The following PPIP5K1 variants were observed in gnomAD, a reference collection of about 807,000 sequenced individuals.
PPIP5K1 encodes the protein diphosphoinositol pentakisphosphate kinase 1, also known as inositol hexakisphosphate and diphosphoinositol-pentakisphosphate kinase 1.
PPIP5K1 carries 6 observed loss-of-function variants against 27.7 expected under a neutral mutation model. The ratio of observed to expected loss-of-function variants is 0.22; its 90% CI spans 0.12 to 0.43. The LOEUF is 0.43. Among genes scored for constraint, PPIP5K1 ranks in the 20% least tolerant of loss-of-function variants. PPIP5K1 has a pLI of 1.00. For synonymous variants in PPIP5K1, 145 were observed against 242.6 expected, an observed-to-expected ratio of 0.60 and a Z score of 3.74; for missense variants, 394 against 635.4, an observed-to-expected ratio of 0.62 and a Z score of 4.08.
At chr15:43,557,239 G>A (rs1416412152) in intron 30 of PPIP5K1, among the ~76,000 whole-genome samples, 1 of 152,118 alleles carries the variant, frequency 6.6e-6, no homozygotes, top group Non-Finnish European at 1.5e-5. Flanking sequence ...CTGAGGTCAG[G>A]AGTTCAAGAC....
Position 43,533,831 on chromosome 15 carries a change from G to C in PPIP5K1, c.*843C>G, listed in dbSNP as rs2079522738. ...AGCCAAACAGCCCCACCACAGAGGA[G>C]GCCCACTTTCACAGACTGGCTAAGA... On this transcript the variant is annotated 3_prime_UTR_variant, in exon 32 of 32. Transcript: ENST00000420765. 2.0e-5 allele frequency: 3 copies of C among 152,110 alleles called. No individual in the cohort carries two copies. The allele number at this position is 152,110 out of a possible 1,614,324, so 9.4% of individuals were successfully genotyped here.
intron 31 of PPIP5K1, among the ~76,000 whole-genome samples, chr15:43,539,108 G>A (rs2080318220): frequency 6.6e-6 from 1 of 152,032 alleles, no homozygotes. Context: ...CTACTTGGGA[G>A]GCTGAGGCAG....
At chr15:43,543,907 A>C (rs1378184669) in intron 30 of PPIP5K1, among the ~76,000 whole-genome samples, 1 of 151,962 alleles carries the variant, frequency 6.6e-6, no homozygotes, top group East Asian at 1.9e-4. Context: ...TTACAATTAT[A>C]GTTCTTTTTG....
intron 30 of PPIP5K1, among the ~76,000 whole-genome samples, chr15:43,547,481 A>ATTTT (rs1453109373): frequency 6.6e-6 from 1 of 152,242 alleles, no homozygotes; most frequent in Non-Finnish European, 1.5e-5. Context: ...GAGATTTATA[A>ATTTT]TTTTAACTCT....
chr15:43,538,777 G>C (rs1056639788), intron 31 of PPIP5K1, among the ~76,000 whole-genome samples: 9 of 152,074 alleles, frequency 5.9e-5, no homozygotes, highest in Non-Finnish European at 7.4e-5. Flanking sequence ...CTCCCAAAGT[G>C]CTGGGATTAC....
At chr15:43,536,028 G>A in intron 31 of PPIP5K1, 4 of 1,155,926 alleles carry the variant, frequency 3.5e-6, no homozygotes, top group Non-Finnish European at 4.5e-6. Flanking sequence ...AGCAATCAAT[G>A]TATTTCTGGG....
chr15:43,546,735 C>T (rs1369794115), intron 30 of PPIP5K1, among the ~76,000 whole-genome samples: 1 of 138,766 alleles, frequency 7.2e-6, no homozygotes, highest in East Asian at 2.2e-4. Context: ...TGGCTTATTA[C>T]AGTCTCAACC....
Position 43,534,589 on chromosome 15 carries a change from G to C in PPIP5K1, c.*85C>G. On this transcript the variant is annotated 3_prime_UTR_variant, in exon 32 of 32. Coordinates refer to ENST00000420765, the MANE Select transcript of PPIP5K1 (RefSeq NM_001394395.1). ...TCATGGGCTAGAGACTGGCTCTGAGGGTTTGGATCACCAGATGGATGCTGG... is the reference window on the plus strand; with the variant it reads ...TCATGGGCTAGAGACTGGCTCTGAGCGTTTGGATCACCAGATGGATGCTGG... 1 of 1,251,126 alleles carries C rather than the reference G, an allele frequency of 8.0e-7. No homozygotes were observed. Among genetic ancestry groups the C allele is most frequent in the Non-Finnish European group, 1.1e-6 (1 of 906,862 alleles). 77.5% of individuals were successfully genotyped at this position (1,251,126 alleles called of 1,614,324 possible).
intron 31 of PPIP5K1, 109 bp downstream of exon 31, chr15:43,539,361 C>T (rs1478605004): frequency 2.5e-5 from 20 of 797,460 alleles, no homozygotes. Flanking sequence ...ATGGATATTC[C>T]TGGTCTTTCA....
intron 30 of PPIP5K1, among the ~76,000 whole-genome samples, chr15:43,549,741 T>G (rs2081958849): frequency 6.6e-6 from 1 of 152,110 alleles, no homozygotes; most frequent in Non-Finnish European, 1.5e-5. Flanking sequence ...GAGGCTGAGG[T>G]AGGAGGATCA....
rs748218416 is a variant in PPIP5K1, at chr15:43,533,598, T to C, written c.*1076A>G. ...ATCTTTGGAAAAAGCTTCATAATCA[T>C]ATCTGGCCCTCAGACACAATGATAT... is the stretch of plus-strand genomic sequence containing the variant. On this transcript the variant is annotated 3_prime_UTR_variant, in exon 32 of 32. Transcript: ENST00000420765. 2.6e-5 allele frequency: 4 copies of C among 152,550 alleles called. No individual in the cohort carries two copies. Among genetic ancestry groups the C allele is most frequent in the Non-Finnish European group, 5.9e-5 (4 of 68,040 alleles). The allele number at this position is 152,550 out of a possible 1,614,324, so 9.4% of individuals were successfully genotyped here.
At chr15:43,557,154 A>G (rs1355847638) in intron 30 of PPIP5K1, among the ~76,000 whole-genome samples, 1 of 152,106 alleles carries the variant, frequency 6.6e-6, no homozygotes, top group East Asian at 1.9e-4. Flanking sequence ...ATTTACTGAA[A>G]AGTCTTTCTG....
At chr15:43,586,802 G>A (rs1277046573) in intron 1 of PPIP5K1, among the ~76,000 whole-genome samples, 3 of 84,122 alleles carry the variant, frequency 3.6e-5, no homozygotes, top group African/African-American at 1.1e-4. Flanking sequence ...GAGGTCTAGT[G>A]TGGTTGGGAG....
intron 29 of PPIP5K1, among the ~76,000 whole-genome samples, chr15:43,559,971 T>A (rs1001366743): frequency 6.6e-6 from 1 of 151,866 alleles, no homozygotes; most frequent in Non-Finnish European, 1.5e-5. Flanking sequence ...TTCGAAGCTC[T>A]GGACTTTGCC....
At chr15:43,558,382 C>T (rs763209378) in intron 30 of PPIP5K1, among the ~76,000 whole-genome samples, 27 of 152,102 alleles carry the variant, frequency 1.8e-4, no homozygotes, top group Non-Finnish European at 3.7e-4. Flanking sequence ...CGCACACCAC[C>T]GCACCCAGCT....
At chr15:43,547,462 T>G (rs965162649) in intron 30 of PPIP5K1, among the ~76,000 whole-genome samples, 2 of 152,362 alleles carry the variant, frequency 1.3e-5, no homozygotes, top group East Asian at 3.9e-4. Flanking sequence ...ACTCTACGAC[T>G]TCTTCTAAGA....
chr15:43,579,415 C>CGTATGTGTACAT (rs2084681767), intron 10 of PPIP5K1, among the ~76,000 whole-genome samples: 1 of 117,300 alleles, frequency 8.5e-6, no homozygotes, highest in Admixed American at 7.7e-5. Context: ...CACACACACA[C>CGTATGTGTACAT]ACACACACGT....
At chr15:43,559,293 G>A (rs1314282110) in intron 29 of PPIP5K1, among the ~76,000 whole-genome samples, 3 of 152,188 alleles carry the variant, frequency 2.0e-5, no homozygotes, top group Admixed American at 2.0e-4. Context: ...GAGGTAAGGG[G>A]TGAAACTGCA....
chr15:43,550,147 T>C (rs559614060), intron 30 of PPIP5K1, among the ~76,000 whole-genome samples: 1 of 152,106 alleles, frequency 6.6e-6, no homozygotes, highest in Non-Finnish European at 1.5e-5. Flanking sequence ...TTCTTTCTTT[T>C]TTTTTTGAGA....
Sources: allele counts gnomAD v4.1 joint callset (sites outside exome capture counted in the v4.1 genomes callset), GRCh38; gene constraint gnomAD v4.1.1; transcripts MANE v1.5; gene names NCBI Gene and HGNC (gene_info 2026-07-23, HGNC 2026-07-21).